MAN1C1: variants seen among roughly 807,000 people sequenced by gnomAD.
MAN1C1 encodes mannosyl-oligosaccharide 1,2-alpha-mannosidase IC.
Under a neutral mutation model 71.5 loss-of-function variants are expected in MAN1C1, and 49 were observed. That is an observed-to-expected ratio of 0.69 (90% CI 0.54 to 0.87). The LOEUF is 0.87. Among genes scored for constraint, MAN1C1 ranks in the 40% least tolerant of loss-of-function variants. The pLI is 0.00. For missense variants in MAN1C1, 743 were observed against 835.0 expected (o/e 0.89, Z 1.36); for synonymous variants, 352 against 343.7 (o/e 1.02, Z -0.27).
intron 2 of MAN1C1, among the ~76,000 whole-genome samples, chr1:25,734,794 T>C (rs1214831088): frequency 6.6e-6 from 1 of 152,220 alleles, no homozygotes; most frequent in Non-Finnish European, 1.5e-5. Flanking sequence ...GATCTAGCCA[T>C]GAAGACACTC....
intron 8 of MAN1C1, among the ~76,000 whole-genome samples, chr1:25,774,022 G>T (rs2047588042): frequency 1.3e-5 from 2 of 152,120 alleles, no homozygotes; most frequent in Admixed American, 1.3e-4. Context: ...GTATAGTCAG[G>T]GTTGGGAACC....
At chr1:25,713,827 C>T (rs559556034) in intron 2 of MAN1C1, among the ~76,000 whole-genome samples, 4 of 152,286 alleles carry the variant, frequency 2.6e-5, no homozygotes, top group African/African-American at 4.8e-5. Context: ...GTTTGGACTT[C>T]GCTGGGCCCA....
intron 1 of MAN1C1, among the ~76,000 whole-genome samples, chr1:25,628,369 G>A (rs1210591392): frequency 2.6e-5 from 4 of 151,924 alleles, no homozygotes; most frequent in Non-Finnish European, 5.9e-5. Context: ...GTTCAATGGC[G>A]TGATCTCAGC....
intron 8 of MAN1C1, chr1:25,772,122 C>T: frequency 4.4e-6 from 1 of 226,032 alleles, no homozygotes; most frequent in South Asian, 7.6e-5. Flanking sequence ...GCCCAGAGTG[C>T]AGCTAGACTG....
chr1:25,740,442 T>C (rs3014700), intron 2 of MAN1C1, among the ~76,000 whole-genome samples: 5,160 of 151,888 alleles, frequency 0.034, 302 homozygotes, highest in African/African-American at 0.12. Context: ...TTGTTGTTGT[T>C]GTCGTTGTTG....
At chr1:25,658,618 T>A (rs1046977997) in intron 1 of MAN1C1, 2 of 151,958 alleles carry the variant, frequency 1.3e-5, no homozygotes, top group Non-Finnish European at 2.9e-5. Flanking sequence ...ACCTGACTAA[T>A]TTTTTTTGTG....
chr1:25,710,909 C>G (rs2124247724), intron 2 of MAN1C1, among the ~76,000 whole-genome samples: 1 of 152,304 alleles, frequency 6.6e-6, no homozygotes, highest in East Asian at 1.9e-4. Flanking sequence ...TAGGGAAGGT[C>G]TCTCCCCTCT....
rs762767241 is a variant in MAN1C1 at position 25,769,491 on chromosome 1, C to T, written c.1142-2166C>T. ...GGCAGCTGCATCTCAACACCGCGGA[C>T]CCTAATGACCTGGCTCCCTCCCCTG... is the stretch of plus-strand genomic sequence containing the variant. On this transcript the variant is annotated intron_variant, in intron 7 of 11. Transcript: ENST00000374332. This position sits in a 1 kb window ranked among gnomAD's most constrained non-coding sequence, Gnocchi z 4.8. Among the ~76,000 whole-genome samples, 1 of 152,140 alleles carries T rather than the reference C, an allele frequency of 6.6e-6. No homozygotes were observed. The highest frequency in any genetic ancestry group is 1.5e-5 in the Non-Finnish European group (1 of 68,008).
At chr1:25,771,585 G>T in intron 7 of MAN1C1, 72 bp from the exon 8 acceptor site, 3 of 1,164,100 alleles carry the variant, frequency 2.6e-6, no homozygotes, top group South Asian at 2.6e-5. Context: ...GGTCAGGCGG[G>T]TGTGCGAGGC....
intron 1 of MAN1C1, among the ~76,000 whole-genome samples, chr1:25,668,290 T>C (rs2045950477): frequency 6.6e-6 from 1 of 152,074 alleles, no homozygotes; most frequent in South Asian, 2.1e-4. Flanking sequence ...TGCTTGACTT[T>C]CCTTCACGGT....
intron 1 of MAN1C1, among the ~76,000 whole-genome samples, chr1:25,675,377 G>A (rs930320994): frequency 6.6e-6 from 1 of 152,140 alleles, no homozygotes; most frequent in Admixed American, 6.5e-5. Flanking sequence ...TAGAATAAGA[G>A]CCTTCAGCTC....
intron 2 of MAN1C1, among the ~76,000 whole-genome samples, chr1:25,726,893 T>TAAAAAAA (rs530911352): frequency 8.6e-5 from 11 of 127,230 alleles, no homozygotes; most frequent in African/African-American, 3.2e-4. Context: ...TCATCTCTAT[T>TAAAAAAA]AAAAAAAAAA....
chr1:25,743,180 G>A (rs2047084121), intron 2 of MAN1C1, among the ~76,000 whole-genome samples: 1 of 152,176 alleles, frequency 6.6e-6, no homozygotes, highest in Non-Finnish European at 1.5e-5. Context: ...GCTCATAGCG[G>A]CATTTGAACG....
chr1:25,691,988 G>A (rs1469540184), intron 2 of MAN1C1, among the ~76,000 whole-genome samples: 1 of 152,170 alleles, frequency 6.6e-6, no homozygotes, highest in Non-Finnish European at 1.5e-5. Context: ...AATTGTCAAG[G>A]GGCACAGAGT....
At chr1:25,763,582 T>G in intron 6 of MAN1C1, 1 of 332,510 alleles carries the variant, frequency 3.0e-6, no homozygotes, top group Non-Finnish European at 5.5e-6. Context: ...TTGGGTGGGA[T>G]AGGAGTCGGC....
At chr1:25,683,489 G>T (rs987636438) in intron 1 of MAN1C1, among the ~76,000 whole-genome samples, 1 of 152,216 alleles carries the variant, frequency 6.6e-6, no homozygotes, top group African/African-American at 2.4e-5. Flanking sequence ...GCAGTGAATG[G>T]GGGTGGAGGG....
chr1:25,726,059 G>C (rs1222541740), intron 2 of MAN1C1, among the ~76,000 whole-genome samples: 5 of 152,226 alleles, frequency 3.3e-5, no homozygotes, highest in African/African-American at 4.8e-5. Context: ...CTATGATGGG[G>C]GACTCTCTTA....
chr1:25,666,015 A>G (rs1236099136), intron 1 of MAN1C1, among the ~76,000 whole-genome samples: 2 of 152,044 alleles, frequency 1.3e-5, no homozygotes, highest in East Asian at 3.9e-4. Flanking sequence ...AACTCTTGAG[A>G]TGGACTGATT....
intron 1 of MAN1C1, among the ~76,000 whole-genome samples, chr1:25,665,532 G>C (rs138389596): frequency 6.6e-5 from 10 of 152,270 alleles, no homozygotes; most frequent in Non-Finnish European, 1.2e-4. Flanking sequence ...GGATAACGCT[G>C]TGTCCCATTA....
Sources: allele counts gnomAD v4.1 joint callset (sites outside exome capture counted in the v4.1 genomes callset), GRCh38; gene constraint gnomAD v4.1.1; non-coding constraint Gnocchi (gnomAD v3.1); transcripts MANE v1.5; gene names NCBI Gene and HGNC (gene_info 2026-07-23, HGNC 2026-07-21).